The following COG5 variants were observed in gnomAD, a reference collection of about 807,000 sequenced individuals.
COG5 encodes component of oligomeric golgi complex 5.
A neutral mutation model predicts 110.4 loss-of-function variants in COG5; 86 were observed. The ratio of observed to expected loss-of-function variants is 0.78; its 90% CI spans 0.65 to 0.93. The LOEUF (loss-of-function observed/expected upper bound fraction) is 0.93. Ranked by LOEUF, COG5 falls within the 40% of genes least tolerant of loss-of-function variation. The probability of loss-of-function intolerance (pLI) is 0.00; values close to 1 mark genes in which losing one functional copy is unlikely to be tolerated. For missense variants in COG5, 1,077 were observed against 987.0 expected (o/e 1.09, Z -1.22); for synonymous variants, 360 against 334.6 (o/e 1.08, Z -0.83).
At chr7:107,424,253 A>T (rs1394529232) in intron 6 of COG5, among the ~76,000 whole-genome samples, 1 of 152,072 alleles carries the variant, frequency 6.6e-6, no homozygotes, top group Non-Finnish European at 1.5e-5. Context: ...AGCCTGGGCA[A>T]CAGAGCGAGA....
At chr7:107,382,814 T>C (rs1350155212) in intron 7 of COG5, among the ~76,000 whole-genome samples, 1 of 152,178 alleles carries the variant, frequency 6.6e-6, no homozygotes, top group Non-Finnish European at 1.5e-5. Flanking sequence ...AGAGAAGTTA[T>C]GTTTCAAAAC....
At chr7:107,426,699 A>G (rs192655888) in intron 6 of COG5, among the ~76,000 whole-genome samples, 96 of 152,268 alleles carry the variant, frequency 6.3e-4, no homozygotes, top group African/African-American at 2.2e-3. Context: ...GAATTTCAAA[A>G]TATGAATTTG....
chr7:107,404,200 A>G (rs1791643797), intron 7 of COG5, among the ~76,000 whole-genome samples: 1 of 152,178 alleles, frequency 6.6e-6, no homozygotes, highest in Non-Finnish European at 1.5e-5. Flanking sequence ...GATGGGCATC[A>G]ACTACATACT....
intron 6 of COG5, among the ~76,000 whole-genome samples, chr7:107,484,185 G>T (rs184865656): frequency 6.6e-6 from 1 of 152,068 alleles, no homozygotes; most frequent in Non-Finnish European, 1.5e-5. Context: ...CGAGTGGCTG[G>T]GGTGACAGGC....
intron 10 of COG5, among the ~76,000 whole-genome samples, chr7:107,349,221 G>A (rs1175028713): frequency 2.0e-5 from 3 of 152,092 alleles, no homozygotes; most frequent in Non-Finnish European, 4.4e-5. Flanking sequence ...AGGTTCCAAT[G>A]GAGTTTCCAT....
chr7:107,538,342 C>T (rs1018407108), intron 5 of COG5, among the ~76,000 whole-genome samples: 1 of 152,134 alleles, frequency 6.6e-6, no homozygotes, highest in African/African-American at 2.4e-5. Context: ...ATCTTTCATG[C>T]CCTATGTAAA....
intron 6 of COG5, among the ~76,000 whole-genome samples, chr7:107,495,932 T>A (rs1798245651): frequency 1.4e-5 from 2 of 144,630 alleles, no homozygotes; most frequent in African/African-American, 2.6e-5. Context: ...TTTTTATTTA[T>A]TTTTACTCAT....
At chr7:107,412,730 A>C in intron 6 of COG5, 98 bp from the exon 7 acceptor site, 1 of 759,936 alleles carries the variant, frequency 1.3e-6, no homozygotes, top group Non-Finnish European at 2.1e-6. Flanking sequence ...AAAAACAAAA[A>C]ACGCTATTAA....
At chr7:107,541,389 C>A (rs1465239998) in intron 5 of COG5, among the ~76,000 whole-genome samples, 2 of 145,554 alleles carry the variant, frequency 1.4e-5, no homozygotes, top group African/African-American at 2.6e-5. Context: ...CTCAGCTACT[C>A]AGGAGGCTGA....
At chr7:107,221,681 C>T (rs550179139) in intron 19 of COG5, among the ~76,000 whole-genome samples, 3 of 150,528 alleles carry the variant, frequency 2.0e-5, no homozygotes, top group Non-Finnish European at 2.9e-5. Flanking sequence ...AGGAGAATGG[C>T]GTGAACCTGG....
chr7:107,412,723 AAC>A (rs1491070593), intron 6 of COG5, 91 bp from the exon 7 acceptor site: 1 of 848,302 alleles, frequency 1.2e-6, no homozygotes, highest in Non-Finnish European at 1.8e-6. Context: ...AAAAAAAAAA[AAC>A]AAAAAACGCT....
At chr7:107,206,994 A>G (rs1014660854) in intron 21 of COG5, among the ~76,000 whole-genome samples, 2 of 152,190 alleles carry the variant, frequency 1.3e-5, no homozygotes, top group African/African-American at 4.8e-5. Flanking sequence ...TTGAGAAAAA[A>G]AACACGATTA....
chr7:107,532,202 G>C (rs752800416), intron 5 of COG5, among the ~76,000 whole-genome samples: 6 of 152,072 alleles, frequency 3.9e-5, no homozygotes, highest in Non-Finnish European at 7.4e-5. Flanking sequence ...GATTACATGT[G>C]TCTGCCACCA....
chr7:107,528,823 T>A (rs1478154445), intron 5 of COG5, among the ~76,000 whole-genome samples: 2 of 152,052 alleles, frequency 1.3e-5, no homozygotes, highest in Non-Finnish European at 2.9e-5. Flanking sequence ...AAACATTCTT[T>A]TATGGGTGAA....
intron 21 of COG5, among the ~76,000 whole-genome samples, chr7:107,205,951 G>T (rs895414318): frequency 1.3e-5 from 2 of 148,448 alleles, no homozygotes; most frequent in African/African-American, 2.5e-5. Context: ...AAGAAGTGTA[G>T]CTGTTTTTTT....
intron 7 of COG5, among the ~76,000 whole-genome samples, chr7:107,404,202 C>T (rs1377035357): frequency 6.6e-6 from 1 of 152,060 alleles, no homozygotes; most frequent in Non-Finnish European, 1.5e-5. Context: ...TGGGCATCAA[C>T]TACATACTCA....
intron 7 of COG5, among the ~76,000 whole-genome samples, chr7:107,379,124 C>A (rs1057168749): frequency 6.6e-6 from 1 of 152,184 alleles, no homozygotes; most frequent in African/African-American, 2.4e-5. Context: ...AATAAACATT[C>A]TTAAAGAAAA....
At chr7:107,542,073 C>T (rs1802080758) in intron 5 of COG5, among the ~76,000 whole-genome samples, 1 of 151,968 alleles carries the variant, frequency 6.6e-6, no homozygotes, top group African/African-American at 2.4e-5. Context: ...ACAATACGTG[C>T]TTTTGAAGGC....
intron 10 of COG5, among the ~76,000 whole-genome samples, chr7:107,338,342 T>G (rs1810886511): frequency 6.6e-6 from 1 of 151,908 alleles, no homozygotes; most frequent in Admixed American, 6.6e-5. Context: ...AAATAAACCC[T>G]CAAGTACATG....
Sources: gnomAD v4.1 joint callset for allele counts (sites outside exome capture counted in the v4.1 genomes callset) on GRCh38, gnomAD v4.1.1 for gene constraint, MANE v1.5 for transcripts, NCBI Gene and HGNC (gene_info 2026-07-23, HGNC 2026-07-21) for gene names.